The following DOK6 variants were observed in gnomAD, a reference collection of about 807,000 sequenced individuals.
DOK6 encodes the protein downstream of tyrosine kinase 6.
In DOK6, 22 loss-of-function variants were observed where a neutral mutation model predicts 44.0. The ratio of observed to expected loss-of-function variants is 0.50; its 90% CI spans 0.36 to 0.71. The LOEUF (loss-of-function observed/expected upper bound fraction) is 0.71, where lower values mean the gene tolerates loss of function less well. DOK6 is among the 30% of genes least tolerant of loss of function. The probability of loss-of-function intolerance (pLI) is 0.00; values close to 1 mark genes in which losing one functional copy is unlikely to be tolerated. For missense variants in DOK6, 340 were observed against 416.4 expected (o/e 0.82, Z 1.60); for synonymous variants, 166 against 145.5 (o/e 1.14, Z -1.01).
chr18:69,692,975 T>C (rs559531282), intron 4 of DOK6, among the ~76,000 whole-genome samples: 2 of 152,318 alleles, frequency 1.3e-5, no homozygotes, highest in Admixed American at 6.5e-5. Context: ...CAAGGAATTG[T>C]TTACAGCCTA....
chr18:69,547,838 A>T (rs1982446597), intron 1 of DOK6, among the ~76,000 whole-genome samples: 1 of 150,482 alleles, frequency 6.6e-6, no homozygotes, highest in South Asian at 2.1e-4. Flanking sequence ...TTCACTCAAT[A>T]GGATAACCTC....
In DOK6 at chr18:69,550,951, T is replaced by G. The variant is rs561929920; in HGVS notation, c.67-13536T>G. The stretch of plus-strand genomic sequence containing the variant: ...GGCATGTGCCACCATGCCCGGCTAA[T>G]TTTTGTGTTTTTAGTAGAGACAGGA... On this transcript the variant is annotated intron_variant, in intron 1 of 7. Coordinates refer to ENST00000382713, the MANE Select transcript of DOK6 (RefSeq NM_152721.6). 3.3e-5 allele frequency among the ~76,000 whole-genome samples: 5 copies of G among 152,064 alleles called. No individual in the cohort carries two copies. In the East Asian group the frequency reaches 9.7e-4, roughly 29 times the overall value.
At chr18:69,464,424 TC>T (rs944945044) in intron 1 of DOK6, among the ~76,000 whole-genome samples, 7 of 152,222 alleles carry the variant, frequency 4.6e-5, no homozygotes, top group Non-Finnish European at 1.0e-4. Flanking sequence ...GTTCTTTGTA[TC>T]TTCAGCTTCA....
At chr18:69,688,943 C>A (rs1378476132) in intron 4 of DOK6, among the ~76,000 whole-genome samples, 1 of 152,128 alleles carries the variant, frequency 6.6e-6, no homozygotes, top group Non-Finnish European at 1.5e-5. Context: ...AAGATGGATG[C>A]AACTTAGAGA....
rs55654660 is a variant in DOK6, at chr18:69,603,770, C to CA, written c.289+4298dup. ...TGGGCGACAGAGCGAGACTCCGTCTCAAAAAAAAAAAAAAAAAAAAAAAAA... is the reference window on the plus strand; with the variant it reads ...TGGGCGACAGAGCGAGACTCCGTCTCAAAAAAAAAAAAAAAAAAAAAAAAAA... On this transcript the variant is annotated intron_variant, in intron 3 of 7. Transcript: ENST00000382713. Among the ~76,000 whole-genome samples, 254 of 74,330 alleles carry CA rather than the reference C, an allele frequency of 3.4e-3. 17 individuals are homozygous for CA. The highest frequency in any genetic ancestry group is 8.7e-3 in the African/African-American group (165 of 18,960). The allele number at this position is 74,330 out of a possible 152,430, so 48.8% of individuals were successfully genotyped here. A position where few individuals can be genotyped will look rare whatever the true frequency, so the allele number is the denominator to read the frequency against.
At chr18:69,466,195 A>G (rs1979922058) in intron 1 of DOK6, among the ~76,000 whole-genome samples, 6 of 152,296 alleles carry the variant, frequency 3.9e-5, no homozygotes, top group Middle Eastern at 3.4e-3. Context: ...GCCCTTGGCA[A>G]CCACCATCCT....
intron 6 of DOK6, among the ~76,000 whole-genome samples, chr18:69,748,612 G>T (rs748583449): frequency 6.6e-6 from 1 of 152,086 alleles, no homozygotes; most frequent in Non-Finnish European, 1.5e-5. Context: ...ACCTGCTCCC[G>T]AATGATTTCT....
intron 5 of DOK6, among the ~76,000 whole-genome samples, chr18:69,700,217 A>ATATATATATATATATATATG (rs1491588961): frequency 1.7e-5 from 1 of 59,650 alleles, no homozygotes; most frequent in Non-Finnish European, 3.7e-5. Context: ...ATATATATAC[A>ATATATATATATATATATATG]TATATATATA....
intron 5 of DOK6, among the ~76,000 whole-genome samples, chr18:69,706,457 G>A (rs1986635196): frequency 6.6e-6 from 1 of 152,072 alleles, no homozygotes. Context: ...ATTTTCAACA[G>A]GGAGAATAGA....
chr18:69,810,741 A>G (rs1981198154), intron 7 of DOK6, among the ~76,000 whole-genome samples: 2 of 151,960 alleles, frequency 1.3e-5, no homozygotes, highest in South Asian at 4.1e-4. Flanking sequence ...TCAAGGAAAA[A>G]CAAATAAAAG....
chr18:69,429,620 C>CATATATATATATAT lies in DOK6; in HGVS notation c.66+28341_66+28354dup, dbSNP rs143819043. Among the ~76,000 whole-genome samples, 104 of 105,902 alleles carry CATATATATATATAT rather than the reference C, an allele frequency of 9.8e-4. 4 individuals are homozygous for CATATATATATATAT. The highest frequency in any genetic ancestry group is 1.4e-3 in the Non-Finnish European group (69 of 49,932). 69.5% of individuals were successfully genotyped at this position (105,902 alleles called of 152,430 possible). On this transcript the variant is annotated intron_variant, in intron 1 of 7. Coordinates refer to ENST00000382713, the MANE Select transcript of DOK6 (RefSeq NM_152721.6). ...TCTATAAGGAAAATATTGAGGGATA[C>CATATATATATATAT]ATATATATATATATATATATATATA...
intron 3 of DOK6, among the ~76,000 whole-genome samples, chr18:69,604,232 T>C (rs1983943421): frequency 6.6e-6 from 1 of 152,160 alleles, no homozygotes; most frequent in African/African-American, 2.4e-5. Context: ...AAAGACAAGG[T>C]TCTGTTTTTT....
At chr18:69,665,455 C>G (rs926072986) in intron 3 of DOK6, among the ~76,000 whole-genome samples, 10 of 152,144 alleles carry the variant, frequency 6.6e-5, no homozygotes, top group African/African-American at 2.2e-4. Context: ...ATTATAGGCA[C>G]CTAATTATTT....
At chr18:69,827,173 T>G (rs1981765051) in intron 7 of DOK6, among the ~76,000 whole-genome samples, 1 of 152,064 alleles carries the variant, frequency 6.6e-6, no homozygotes, top group African/African-American at 2.4e-5. Context: ...TTAAAATCAT[T>G]CAAAGCTTCC....
intron 2 of DOK6, among the ~76,000 whole-genome samples, chr18:69,581,924 A>C (rs1983379452): frequency 6.6e-6 from 1 of 152,172 alleles, no homozygotes; most frequent in Admixed American, 6.5e-5. Context: ...AGCCTGTGAG[A>C]AATGCTAAGA....
chr18:69,466,623 A>G (rs150718516), intron 1 of DOK6, among the ~76,000 whole-genome samples: 11 of 152,250 alleles, frequency 7.2e-5, no homozygotes, highest in Admixed American at 2.0e-4. Flanking sequence ...AAAATTTTAC[A>G]TATTTTTGTC....
intron 5 of DOK6, among the ~76,000 whole-genome samples, chr18:69,699,987 G>A (rs528234962): frequency 5.3e-5 from 8 of 152,086 alleles, no homozygotes; most frequent in South Asian, 2.1e-4. Flanking sequence ...GGCAGCAGAC[G>A]AGAGAAGAGA....
At chr18:69,728,454 CAA>C (rs1450045732) in intron 5 of DOK6, among the ~76,000 whole-genome samples, 1 of 152,174 alleles carries the variant, frequency 6.6e-6, no homozygotes, top group African/African-American at 2.4e-5. Context: ...ACAAATTCAT[CAA>C]AGTCTGCCTG....
intron 5 of DOK6, among the ~76,000 whole-genome samples, chr18:69,720,441 A>G (rs1376294602): frequency 6.6e-6 from 1 of 152,214 alleles, no homozygotes; most frequent in Non-Finnish European, 1.5e-5. Flanking sequence ...AATTTTCAAA[A>G]AATTGCTCAG....
Sources: gnomAD v4.1 joint callset for allele counts (sites outside exome capture counted in the v4.1 genomes callset) on GRCh38, gnomAD v4.1.1 for gene constraint, MANE v1.5 for transcripts, NCBI Gene and HGNC (gene_info 2026-07-23, HGNC 2026-07-21) for gene names.